The following SLC26A3 variants were observed in gnomAD, a reference collection of about 807,000 sequenced individuals.
SLC26A3 encodes solute carrier family 26 member 3.
In SLC26A3, 64 loss-of-function variants were observed where a neutral mutation model predicts 85.6. The ratio of observed to expected loss-of-function variants is 0.75; its 90% CI spans 0.61 to 0.92. The LOEUF (loss-of-function observed/expected upper bound fraction) is 0.92. Among genes scored for constraint, SLC26A3 ranks in the 40% least tolerant of loss-of-function variants. The pLI is 0.00. For missense variants in SLC26A3, 922 were observed against 927.3 expected (o/e 0.99, Z 0.07); for synonymous variants, 349 against 336.0 (o/e 1.04, Z -0.42).
At chr7:107,798,980 G>A (rs1228524101) in intron 1 of SLC26A3, among the ~76,000 whole-genome samples, 1 of 152,156 alleles carries the variant, frequency 6.6e-6, no homozygotes, top group East Asian at 1.9e-4. Flanking sequence ...CACCTTCAGA[G>A]GGATCTCCAT....
rs186691429 is a variant in SLC26A3, at chr7:107,784,410, T to C, written c.972-1058A>G. On this transcript the variant is annotated intron_variant, in intron 8 of 20. Transcript: ENST00000340010. ...GGCTCTGCCACTTGCCCTTCCCAAG[T>C]CACAATTTCCTCATTTGTAGAGTGA... Among the ~76,000 whole-genome samples, 84 of 152,256 alleles carry C rather than the reference T, an allele frequency of 5.5e-4. 1 individual carries two copies. The highest frequency in any genetic ancestry group is 1.9e-3 in the African/African-American group (81 of 41,554).
chr7:107,774,781 G>A lies in SLC26A3; in HGVS notation c.1769C>T (p.Thr590Ile). 1.2e-6 allele frequency: 2 copies of A among 1,611,982 alleles called. No individual in the cohort carries two copies. The highest frequency in any genetic ancestry group is 1.7e-6 in the Non-Finnish European group (2 of 1,178,088). ...KLQKQGLLQV[T>I]PKGFICTVDT... is the part of the protein sequence containing the mutation. ...AAATGTGGTCAAGGAACTTACTGGT[G>A]TCACTTGTAGCAAGCCTTGCTTCTG... Residue 590 changes from threonine to isoleucine, a missense_variant, in exon 16 of 21, where the codon ACA becomes ATA. By Grantham distance (89) the Thr-to-Ile change is moderately conservative. Transcript: ENST00000340010.
intron 13 of SLC26A3, 76 bp downstream of exon 13, chr7:107,778,099 C>A (rs1435589227): frequency 3.2e-6 from 3 of 950,370 alleles, no homozygotes; most frequent in South Asian, 2.7e-5. Context: ...GTTCTTTTAG[C>A]CAGTGACATT....
chr7:107,787,416 C>A lies in SLC26A3; in HGVS notation c.829G>T (p.Glu277Ter). 1 of 1,614,016 alleles carries A rather than the reference C, an allele frequency of 6.2e-7. No homozygotes were observed. The highest frequency in any genetic ancestry group is 1.1e-5 in the South Asian group (1 of 91,078). Residue 277 changes from glutamate to a stop codon, truncating the protein, a stop_gained, in exon 7 of 21, where the codon GAA becomes TAA. Transcript: ENST00000340010. LOFTEE classifies it high-confidence loss of function. ...TTGTCTTTGAAGCGCTGATTTATTTCTTTAACAATGGATACAACCAAAAGG... is the reference window on the plus strand; with the variant it reads ...TTGTCTTTGAAGCGCTGATTTATTTATTTAACAATGGATACAACCAAAAGG... The part of the protein sequence containing the change: ...IVLLVVSIVK[E>*]INQRFKDKLP...
At chr7:107,802,202 G>A (rs1794612438) in intron 1 of SLC26A3, among the ~76,000 whole-genome samples, 1 of 151,526 alleles carries the variant, frequency 6.6e-6, no homozygotes, top group Admixed American at 6.6e-5. Context: ...CCAATAATTT[G>A]ATAAATTGTT....
chr7:107,802,511 T>C (rs1334487958), intron 1 of SLC26A3, among the ~76,000 whole-genome samples: 1 of 152,056 alleles, frequency 6.6e-6, no homozygotes, highest in Non-Finnish European at 1.5e-5. Flanking sequence ...AATCTCTCAC[T>C]TCTAGACCAT....
chr7:107,787,221 C>G, intron 7 of SLC26A3, 136 bp downstream of exon 7: 1 of 883,048 alleles, frequency 1.1e-6, no homozygotes, highest in South Asian at 1.4e-5. Flanking sequence ...GAAAATAAAA[C>G]CATGCTAAAC....
chr7:107,793,612 G>A, intron 3 of SLC26A3, 130 bp downstream of exon 3: 1 of 701,724 alleles, frequency 1.4e-6, no homozygotes, highest in African/African-American at 1.8e-5. Context: ...GTTGGTGGTG[G>A]TGAAAATGTT....
chr7:107,781,534 T>G (rs1293526559), intron 11 of SLC26A3, among the ~76,000 whole-genome samples: 1 of 152,168 alleles, frequency 6.6e-6, no homozygotes, highest in Admixed American at 6.6e-5. Flanking sequence ...AGGGTGGAGT[T>G]CTCTCTGTAG....
In SLC26A3 at chr7:107,794,400, T is replaced by A; in HGVS notation, c.110A>T (p.Asp37Val). 1.9e-6 allele frequency: 3 copies of A among 1,614,052 alleles called. No homozygotes were observed. Among genetic ancestry groups the A allele is most frequent in the Non-Finnish European group, 2.5e-6 (3 of 1,179,930 alleles). ...TTACCTACAACACACTTTGAGATGA[T>A]CCAGAAATGTCTTATGATGTCTTCC... ...KTGRHHKTFLDHLKVCCSCSP... is the reference protein window; with the variant it reads ...KTGRHHKTFLVHLKVCCSCSP... Residue 37 changes from aspartate (D) to valine (V), a missense_variant, in exon 2 of 21, where the codon GAT becomes GTT. Coordinates refer to ENST00000340010, the MANE Select transcript of SLC26A3 (RefSeq NM_000111.3).
intron 18 of SLC26A3, among the ~76,000 whole-genome samples, chr7:107,769,692 A>G (rs906895994): frequency 1.3e-5 from 2 of 152,224 alleles, no homozygotes; most frequent in East Asian, 1.9e-4. Flanking sequence ...GAGTTTACCT[A>G]TGTAACAAAC....
Position 107,782,991 on chromosome 7 carries a change from C to G in SLC26A3, c.1222G>C (p.Gly408Arg). ...SRSAVQESTG[G>R]KTQIAGLIGA... ...AGATCTTGACATACCTGTGTTTTGC[C>G]TCCTGTGCTCTCCTGAACTGCTGAT... Residue 408 changes from glycine (G) to arginine (R), a missense_variant, in exon 10 of 21, where the codon GGC becomes CGC. Gly to Arg is a moderately radical substitution (Grantham distance 125). Transcript: ENST00000340010. 2 of 1,614,154 alleles carry G rather than the reference C, an allele frequency of 1.2e-6. No individual in the cohort carries two copies. The highest frequency in any genetic ancestry group is 1.7e-6 in the Non-Finnish European group (2 of 1,179,976).
chr7:107,768,013 T>C (rs919901719), intron 18 of SLC26A3, 105 bp from the exon 19 acceptor site: 10 of 1,032,912 alleles, frequency 9.7e-6, no homozygotes, highest in Middle Eastern at 2.7e-4. Flanking sequence ...GTGCGTTTCA[T>C]TGACATTTGG....
At chr7:107,773,375 A>T (rs995381977) in intron 17 of SLC26A3, among the ~76,000 whole-genome samples, 1 of 152,190 alleles carries the variant, frequency 6.6e-6, no homozygotes, top group Non-Finnish European at 1.5e-5. Flanking sequence ...CCACCAGCAG[A>T]TTCAGCATAC....
At chr7:107,788,784 C>CTTTTTTTTTTTTTTT (rs71861759) in intron 6 of SLC26A3, among the ~76,000 whole-genome samples, 1 of 108,064 alleles carries the variant, frequency 9.3e-6, no homozygotes, top group East Asian at 2.8e-4. Context: ...TTTTTCTTTT[C>CTTTTTTTTTTTTTTT]TTTTTTTTTT....
At chr7:107,798,217 C>T (rs1584415108) in intron 1 of SLC26A3, among the ~76,000 whole-genome samples, 1 of 151,728 alleles carries the variant, frequency 6.6e-6, no homozygotes, top group African/African-American at 2.4e-5. Flanking sequence ...GTGGCTTAGT[C>T]ATACACGTTG....
At chr7:107,789,948 A>G (rs774728144) in intron 5 of SLC26A3, among the ~76,000 whole-genome samples, 10 of 152,154 alleles carry the variant, frequency 6.6e-5, no homozygotes, top group Non-Finnish European at 1.5e-4. Context: ...CCCAAGAAGT[A>G]ACAGGCTTAT....
chr7:107,802,790 A>G (rs1794620760), intron 1 of SLC26A3, among the ~76,000 whole-genome samples: 1 of 138,306 alleles, frequency 7.2e-6, no homozygotes, highest in Non-Finnish European at 1.5e-5. Flanking sequence ...CAATCTATCT[A>G]TAAAGTCAGA....
Position 107,779,749 on chromosome 7 carries a change from A to C in SLC26A3, c.1326T>G (p.Ala442=). ...TTCCCTTTAAGTTTCCCAATGCTAAAGCTGCCAGGACGGACTGTGAAAAAC... is the reference window on the plus strand; with the variant it reads ...TTCCCTTTAAGTTTCCCAATGCTAACGCTGCCAGGACGGACTGTGAAAAAC... ...LAPLQKSVLA[A]LALGNLKGML... is the part of the protein sequence containing the mutation. The change falls in exon 12 of 21, where the codon GCT becomes GCG. Residue 442 remains alanine, a synonymous_variant. Transcript: ENST00000340010. 6.2e-7 allele frequency: 1 copy of C among 1,613,968 alleles called. No homozygotes were observed. Among genetic ancestry groups the C allele is most frequent in the Non-Finnish European group, 8.5e-7 (1 of 1,179,868 alleles).
Sources: allele counts gnomAD v4.1 joint callset (sites outside exome capture counted in the v4.1 genomes callset), GRCh38; gene constraint gnomAD v4.1.1; transcripts MANE v1.5; gene names NCBI Gene and HGNC (gene_info 2026-07-23, HGNC 2026-07-21).